The following SLC24A4 variants were observed in gnomAD, a reference collection of about 807,000 sequenced individuals.
The protein encoded by SLC24A4 is sodium/potassium/calcium exchanger 4.
SLC24A4 carries 53 observed loss-of-function variants against 79.0 expected under a neutral mutation model. The ratio of observed to expected loss-of-function variants is 0.67; its 90% CI spans 0.54 to 0.84. SLC24A4 has a LOEUF of 0.84. Ranked by LOEUF, SLC24A4 falls within the 40% of genes least tolerant of loss-of-function variation. The probability of loss-of-function intolerance (pLI) is 0.00; values close to 1 mark genes in which losing one functional copy is unlikely to be tolerated. For missense variants in SLC24A4, 731 were observed against 822.0 expected, an observed-to-expected ratio of 0.89 and a Z score of 1.35; for synonymous variants, 323 against 323.8, an observed-to-expected ratio of 1.00 and a Z score of 0.03.
At chr14:92,405,957 C>T (rs905851775) in intron 2 of SLC24A4, among the ~76,000 whole-genome samples, 1 of 152,162 alleles carries the variant, frequency 6.6e-6, no homozygotes, top group Non-Finnish European at 1.5e-5. Context: ...AGTCCAAGTC[C>T]AAAGTCTCAT....
At chr14:92,332,316 A>T (rs1196143447) in intron 2 of SLC24A4, among the ~76,000 whole-genome samples, 1 of 152,198 alleles carries the variant, frequency 6.6e-6, no homozygotes, top group Non-Finnish European at 1.5e-5. Flanking sequence ...ATATGTGTTA[A>T]TCGACAGTTT....
chr14:92,348,860 C>T (rs78203038), intron 2 of SLC24A4, among the ~76,000 whole-genome samples: 7,882 of 152,198 alleles, frequency 0.052, 231 homozygotes, highest in South Asian at 0.096. Flanking sequence ...GGCTCTCATA[C>T]ATGTTGGAGC....
intron 2 of SLC24A4, among the ~76,000 whole-genome samples, chr14:92,422,560 T>C (rs1595255832): frequency 6.6e-6 from 1 of 152,370 alleles, no homozygotes; most frequent in Middle Eastern, 3.4e-3. Context: ...CAGTGTTTCC[T>C]GGGCTCATTG....
intron 2 of SLC24A4, among the ~76,000 whole-genome samples, chr14:92,387,220 AG>A (rs1889215624): frequency 6.7e-6 from 1 of 149,952 alleles, no homozygotes; most frequent in East Asian, 2.0e-4. Flanking sequence ...TGTGTCACCC[AG>A]GCTGGAGAGC....
intron 2 of SLC24A4, among the ~76,000 whole-genome samples, chr14:92,423,854 C>T (rs1891423855): frequency 1.3e-5 from 2 of 152,284 alleles, no homozygotes; most frequent in South Asian, 4.1e-4. Flanking sequence ...GTTTTGCCTT[C>T]CCAGGGCTGC....
In SLC24A4 at chr14:92,494,737, T is replaced by G. The variant is rs1191310061; in HGVS notation, c.*1109T>G. 1 of 152,318 alleles carries G rather than the reference T, an allele frequency of 6.6e-6. No homozygotes were observed. Among genetic ancestry groups the G allele is most frequent in the Admixed American group, 6.5e-5 (1 of 15,284 alleles). 9.4% of individuals were successfully genotyped at this position (152,318 alleles called of 1,614,324 possible). On this transcript the variant is annotated 3_prime_UTR_variant, in exon 17 of 17. Transcript: ENST00000532405. This position sits in a 1 kb window ranked among gnomAD's most constrained non-coding sequence, Gnocchi z 4.6. Reference sequence around the variant, plus strand: ...TTGCCTGAAAAACAACAAACTGCTTTCTGGTTAGCTGAAGGCAAGTGTGAA... The same window carrying G: ...TTGCCTGAAAAACAACAAACTGCTTGCTGGTTAGCTGAAGGCAAGTGTGAA...
chr14:92,476,198 C>G (rs1202611888), intron 12 of SLC24A4, among the ~76,000 whole-genome samples: 7 of 152,194 alleles, frequency 4.6e-5, no homozygotes, highest in Non-Finnish European at 8.8e-5. Context: ...TCTTCCTCTA[C>G]ATACGGAGTT....
At chr14:92,362,903 C>T (rs1887617253) in intron 2 of SLC24A4, among the ~76,000 whole-genome samples, 1 of 152,252 alleles carries the variant, frequency 6.6e-6, no homozygotes, top group Admixed American at 6.5e-5. Flanking sequence ...TGCTGGATGC[C>T]TGCTGGATGC....
intron 12 of SLC24A4, 28 bp downstream of exon 12, chr14:92,456,636 G>T: frequency 6.2e-7 from 1 of 1,606,246 alleles, no homozygotes; most frequent in Non-Finnish European, 8.5e-7. Flanking sequence ...TGGACTCTCG[G>T]GCTACATTTT....
At chr14:92,347,756 G>A (rs1008578294) in intron 2 of SLC24A4, among the ~76,000 whole-genome samples, 3 of 151,976 alleles carry the variant, frequency 2.0e-5, no homozygotes, top group African/African-American at 7.2e-5. Flanking sequence ...GTGAAACTCC[G>A]TCTCTCCTAA....
intron 2 of SLC24A4, among the ~76,000 whole-genome samples, chr14:92,410,133 G>A (rs910085452): frequency 6.6e-5 from 10 of 152,042 alleles, no homozygotes; most frequent in African/African-American, 2.2e-4. Flanking sequence ...TCCCTGTGAC[G>A]CAAGTTTACC....
intron 2 of SLC24A4, among the ~76,000 whole-genome samples, chr14:92,336,559 G>A (rs966700692): frequency 1.3e-5 from 2 of 152,182 alleles, no homozygotes; most frequent in African/African-American, 4.8e-5. Context: ...GAGTCTCCTA[G>A]TAATTGCGCA....
chr14:92,487,188 C>T (rs763662890), intron 14 of SLC24A4, among the ~76,000 whole-genome samples: 8 of 152,148 alleles, frequency 5.3e-5, no homozygotes, highest in African/African-American at 9.7e-5. Flanking sequence ...ACCTCTAGAA[C>T]GTGTATAATG....
chr14:92,430,202 C>T (rs45488397), intron 2 of SLC24A4, among the ~76,000 whole-genome samples: 197 of 152,314 alleles, frequency 1.3e-3, no homozygotes, highest in Non-Finnish European at 2.3e-3. Flanking sequence ...GAAGAGCTGC[C>T]ATATCTGAGG....
chr14:92,381,839 G>A (rs189572152), intron 2 of SLC24A4, among the ~76,000 whole-genome samples: 163 of 152,216 alleles, frequency 1.1e-3, no homozygotes, highest in African/African-American at 3.7e-3. Context: ...CCACACTTGG[G>A]GTGTGGCCTA....
At chr14:92,425,189 A>C (rs1381965531) in intron 2 of SLC24A4, among the ~76,000 whole-genome samples, 1 of 152,258 alleles carries the variant, frequency 6.6e-6, no homozygotes, top group Non-Finnish European at 1.5e-5. Context: ...GAGAATCTTC[A>C]CCAGAAACCA....
In SLC24A4 at chr14:92,428,234, G is replaced by A. The variant is rs78482058; in HGVS notation, c.242-5678G>A. Reference sequence around the variant, plus strand: ...TGACGCTTAGGTCTGTGTAACCTTGGTTGCCAGTGGAAATGGCAGCAGGAA... The same window carrying A: ...TGACGCTTAGGTCTGTGTAACCTTGATTGCCAGTGGAAATGGCAGCAGGAA... On this transcript the variant is annotated intron_variant, in intron 2 of 16. Coordinates refer to ENST00000532405, the MANE Select transcript of SLC24A4 (RefSeq NM_153646.4). Among the ~76,000 whole-genome samples the A allele has an allele frequency of 1.8e-3, 274 of 152,286 alleles. 1 individual carries two copies. The highest frequency in any genetic ancestry group is 3.3e-3 in the Non-Finnish European group (223 of 68,024).
chr14:92,428,409 A>G (rs1465222220), intron 2 of SLC24A4, among the ~76,000 whole-genome samples: 1 of 152,200 alleles, frequency 6.6e-6, no homozygotes, highest in African/African-American at 2.4e-5. Context: ...CTGCGCACCC[A>G]TATCTAGGGT....
intron 2 of SLC24A4, among the ~76,000 whole-genome samples, chr14:92,338,514 A>G (rs1020401451): frequency 1.3e-5 from 2 of 152,198 alleles, no homozygotes; most frequent in Non-Finnish European, 2.9e-5. Flanking sequence ...GTGCCTGCCT[A>G]GAATAGAAAG....
Sources: gnomAD v4.1 joint callset for allele counts (sites outside exome capture counted in the v4.1 genomes callset) on GRCh38, gnomAD v4.1.1 for gene constraint, Gnocchi (gnomAD v3.1) non-coding constraint, MANE v1.5 for transcripts, NCBI Gene and HGNC (gene_info 2026-07-23, HGNC 2026-07-21) for gene names.